Variants in DAB1 observed in about 807,000 individuals in gnomAD.
The protein encoded by DAB1 is disabled homolog 1.
DAB1 carries 15 observed loss-of-function variants against 64.6 expected under a neutral mutation model. The ratio of observed to expected loss-of-function variants is 0.23; its 90% CI spans 0.16 to 0.36. DAB1 has a LOEUF of 0.36. DAB1 is among the 10% of genes least tolerant of loss of function. The pLI is 1.00. For synonymous variants in DAB1, 235 were observed against 251.9 expected, an observed-to-expected ratio of 0.93 and a Z score of 0.64; for missense variants, 596 against 706.7, an observed-to-expected ratio of 0.84 and a Z score of 1.78.
chr1:58,493,337 T>G (rs1645734158), intron 3 of DAB1, among the ~76,000 whole-genome samples: 1 of 152,178 alleles, frequency 6.6e-6, no homozygotes, highest in African/African-American at 2.4e-5. Flanking sequence ...ATTGGAAGCA[T>G]TCCCTTTGAA....
intron 5 of DAB1, among the ~76,000 whole-genome samples, chr1:58,004,723 A>C (rs1646555300): frequency 6.6e-6 from 1 of 152,112 alleles, no homozygotes; most frequent in African/African-American, 2.4e-5. Flanking sequence ...AACAACCCAA[A>C]CACACGCACG....
intron 3 of DAB1, among the ~76,000 whole-genome samples, chr1:58,422,685 T>C (rs1644783834): frequency 6.6e-6 from 1 of 151,122 alleles, no homozygotes; most frequent in South Asian, 2.1e-4. Context: ...CAACTATTAT[T>C]ACTGCCAGCT....
intron 5 of DAB1, among the ~76,000 whole-genome samples, chr1:57,957,289 A>G (rs1645414727): frequency 6.6e-6 from 1 of 152,202 alleles, no homozygotes; most frequent in Non-Finnish European, 1.5e-5. Context: ...CTATGGAATC[A>G]GCTGAATAAG....
chr1:58,063,826 C>T (rs1489091442), intron 5 of DAB1, among the ~76,000 whole-genome samples: 2 of 152,150 alleles, frequency 1.3e-5, no homozygotes, highest in Non-Finnish European at 1.5e-5. Flanking sequence ...TCTACAGCTG[C>T]TAAGTGGAAA....
chr1:57,580,442 G>A (rs1172328778), intron 7 of DAB1, among the ~76,000 whole-genome samples: 1 of 152,016 alleles, frequency 6.6e-6, no homozygotes, highest in Non-Finnish European at 1.5e-5. Flanking sequence ...CTACTCCTTG[G>A]TCGTGGCTTC....
intron 2 of DAB1, among the ~76,000 whole-genome samples, chr1:57,221,999 A>G (rs752132229): frequency 2.6e-5 from 4 of 152,038 alleles, no homozygotes; most frequent in Non-Finnish European, 5.9e-5. Context: ...AGAAACTAGC[A>G]TTTATTTACT....
chr1:57,080,836 AT>A (rs1053799204), intron 4 of DAB1, among the ~76,000 whole-genome samples: 3 of 152,100 alleles, frequency 2.0e-5, no homozygotes, highest in Non-Finnish European at 1.5e-5. Context: ...ACTAAAATCT[AT>A]GTCCTGTGAT....
At chr1:57,458,375 C>A (rs369171404) in intron 7 of DAB1, among the ~76,000 whole-genome samples, 1 of 151,810 alleles carries the variant, frequency 6.6e-6, no homozygotes, top group East Asian at 1.9e-4. Flanking sequence ...TCTCTGTTTA[C>A]TCCTGTAAGG....
rs149773281 is a variant in DAB1 at position 58,236,035 on chromosome 1, G to A, written n.310-85447C>T. 4.8e-3 allele frequency among the ~76,000 whole-genome samples: 734 copies of A among 152,308 alleles called. 6 individuals are homozygous for A. Among genetic ancestry groups the A allele is most frequent in the African/African-American group, 0.017 (699 of 41,552 alleles). On this transcript the variant is annotated intron_variant and non_coding_transcript_variant, in intron 4 of 20. Transcript: ENST00000485760. ...CTAATTGACCACCTGTCGGTCAGGG[G>A]CAGCAGAAAGACGAGAGCAAGGCTT...
intron 4 of DAB1, among the ~76,000 whole-genome samples, chr1:58,182,265 T>TTG (rs1022958865): frequency 1.1e-4 from 16 of 151,582 alleles, no homozygotes; most frequent in East Asian, 1.9e-4. Flanking sequence ...TAAATGTGAT[T>TTG]TGTGTGTGTG....
At chr1:57,622,302 C>A (rs1000612982) in intron 7 of DAB1, among the ~76,000 whole-genome samples, 2 of 152,136 alleles carry the variant, frequency 1.3e-5, no homozygotes, top group African/African-American at 4.8e-5. Context: ...CCTGTCACTG[C>A]AAACCTTGAC....
At chr1:57,727,637 C>G (rs1046195363) in intron 6 of DAB1, among the ~76,000 whole-genome samples, 1 of 152,126 alleles carries the variant, frequency 6.6e-6, no homozygotes, top group African/African-American at 2.4e-5. Context: ...TCTCTAGAGA[C>G]AGTAGACAAT....
chr1:58,539,750 G>C (rs2100494398), intron 1 of DAB1, among the ~76,000 whole-genome samples: 1 of 152,290 alleles, frequency 6.6e-6, no homozygotes, highest in African/African-American at 2.4e-5. Flanking sequence ...CTAACAGATG[G>C]GAAACAGAGC....
chr1:57,683,381 G>A (rs924822966), intron 6 of DAB1, among the ~76,000 whole-genome samples: 1 of 152,090 alleles, frequency 6.6e-6, no homozygotes, highest in African/African-American at 2.4e-5. Context: ...CTGCTGAGTG[G>A]GTCATCTCTC....
chr1:57,544,954 T>C (rs2265623), intron 7 of DAB1, among the ~76,000 whole-genome samples: 141,179 of 152,250 alleles, frequency 0.93, 66,371 homozygotes, highest in East Asian at 1. Context: ...CAGTTCTCTA[T>C]AGCAGTGTGG....
chr1:57,702,728 A>C (rs1009989438), intron 6 of DAB1, among the ~76,000 whole-genome samples: 1 of 152,128 alleles, frequency 6.6e-6, no homozygotes, highest in Non-Finnish European at 1.5e-5. Flanking sequence ...AAGTCAGGCA[A>C]ATTCTTAGTA....
downstream of DAB1, among the ~76,000 whole-genome samples, chr1:57,822,983 ATTT>A (rs71246208): frequency 7.4e-4 from 97 of 131,254 alleles, no homozygotes; most frequent in Admixed American, 1.4e-3. Context: ...TAATTTAGGA[ATTT>A]TTTTTTTTTT....
In DAB1 at chr1:57,297,542, G is replaced by A. The variant is rs147473215; in HGVS notation, c.-136-6376C>T. 1.3e-3 allele frequency among the ~76,000 whole-genome samples: 195 copies of A among 151,830 alleles called. 1 individual carries two copies. The South Asian group carries it at 0.016, about 12-fold the overall frequency. On this transcript the variant is annotated intron_variant, in intron 1 of 14. Transcript: ENST00000371236. Reference sequence around the variant, plus strand: ...TGTGAATATATATATATGTATATACGTACATACATAGAGAGAAAACACACA... The same window carrying A: ...TGTGAATATATATATATGTATATACATACATACATAGAGAGAAAACACACA...
chr1:58,351,970 T>C (rs970328735), intron 3 of DAB1, among the ~76,000 whole-genome samples: 21 of 150,788 alleles, frequency 1.4e-4, no homozygotes, highest in African/African-American at 4.4e-4. Context: ...CAGAGTGAAA[T>C]GACTGAATTG....
Sources: allele counts gnomAD v4.1 joint callset (sites outside exome capture counted in the v4.1 genomes callset), GRCh38; gene constraint gnomAD v4.1.1; transcripts MANE v1.5; gene names NCBI Gene and HGNC (gene_info 2026-07-23, HGNC 2026-07-21).